NLRP8: variants seen among roughly 807,000 people sequenced by gnomAD.
The protein encoded by NLRP8 is NACHT, LRR and PYD domains-containing protein 8.
A neutral mutation model predicts 88.7 loss-of-function variants in NLRP8; 86 were observed. That is an observed-to-expected ratio of 0.97 (90% CI 0.81 to 1.16). NLRP8 has a LOEUF of 1.16. Ranked by LOEUF, NLRP8 falls within the 50% of genes most tolerant of loss-of-function variation. The pLI, the probability that NLRP8 is intolerant of heterozygous loss-of-function variation, is 0.00. For missense variants in NLRP8, 1,342 were observed against 1,286.5 expected (o/e 1.04, Z -0.66); for synonymous variants, 504 against 494.6 (o/e 1.02, Z -0.25).
intron 6 of NLRP8, among the ~76,000 whole-genome samples, chr19:55,971,446 A>G (rs1980070170): frequency 6.6e-6 from 1 of 151,696 alleles, no homozygotes; most frequent in Non-Finnish European, 1.5e-5. Context: ...TCTCAAAAAA[A>G]AAAAAAAAAA....
chr19:55,974,780 G>A (rs1229558134), intron 7 of NLRP8, among the ~76,000 whole-genome samples: 1 of 151,522 alleles, frequency 6.6e-6, no homozygotes, highest in Non-Finnish European at 1.5e-5. Flanking sequence ...GTTTTACTGG[G>A]GCTCGTGGCA....
chr19:55,958,594 G>T (rs575732123), intron 3 of NLRP8, among the ~76,000 whole-genome samples: 1 of 152,314 alleles, frequency 6.6e-6, no homozygotes, highest in Non-Finnish European at 1.5e-5. Flanking sequence ...TAACCACACT[G>T]CCGCGGCAGG....
At chr19:55,958,528 G>A (rs1252568948) in intron 3 of NLRP8, among the ~76,000 whole-genome samples, 1 of 152,144 alleles carries the variant, frequency 6.6e-6, no homozygotes, top group Non-Finnish European at 1.5e-5. Context: ...GCTTGTTTAG[G>A]TAAATACAGT....
At chr19:55,984,780 T>G (rs1439974455) in intron 9 of NLRP8, among the ~76,000 whole-genome samples, 1 of 150,588 alleles carries the variant, frequency 6.6e-6, no homozygotes, top group Non-Finnish European at 1.5e-5. Flanking sequence ...GAGGCTGCAG[T>G]AAGCCGTGCT....
At chr19:55,982,187 C>T (rs1205311693) in intron 9 of NLRP8, among the ~76,000 whole-genome samples, 1 of 152,160 alleles carries the variant, frequency 6.6e-6, no homozygotes, top group Non-Finnish European at 1.5e-5. Context: ...CAAGTGTGAG[C>T]CACTATGCCC....
At chr19:55,948,340 ACC>A in intron 1 of NLRP8, 71 bp downstream of exon 1, 1 of 1,477,680 alleles carries the variant, frequency 6.8e-7, no homozygotes, top group Non-Finnish European at 9.2e-7. Context: ...TCTAGTCACC[ACC>A]CCTATCACTT....
At chr19:55,980,564 C>A (rs1980529109) in intron 9 of NLRP8, among the ~76,000 whole-genome samples, 1 of 152,116 alleles carries the variant, frequency 6.6e-6, no homozygotes, top group African/African-American at 2.4e-5. Flanking sequence ...TGCTTCCAGG[C>A]TCACTTGTGT....
intron 1 of NLRP8, among the ~76,000 whole-genome samples, chr19:55,950,538 T>A (rs956303065): frequency 2.0e-5 from 3 of 152,038 alleles, no homozygotes; most frequent in South Asian, 2.1e-4. Flanking sequence ...AACCCCCAAA[T>A]CAATACTTAC....
chr19:55,970,763 C>T, intron 6 of NLRP8, 67 bp downstream of exon 6: 2 of 1,590,170 alleles, frequency 1.3e-6, no homozygotes, highest in South Asian at 2.3e-5. Context: ...AGATTTAGTG[C>T]TTCTGTGAGA....
chr19:55,964,089 T>A (rs963531495), intron 4 of NLRP8, among the ~76,000 whole-genome samples: 1 of 152,188 alleles, frequency 6.6e-6, no homozygotes, highest in Non-Finnish European at 1.5e-5. Context: ...GTTTTTAAGA[T>A]CCAAAAACCC....
At chr19:55,973,387 T>C (rs1300201087) in intron 6 of NLRP8, among the ~76,000 whole-genome samples, 4 of 152,212 alleles carry the variant, frequency 2.6e-5, no homozygotes, top group African/African-American at 9.7e-5. Context: ...CTCTGTGGGC[T>C]GTCTGTTAAC....
intron 9 of NLRP8, among the ~76,000 whole-genome samples, chr19:55,984,392 C>T (rs1438477769): frequency 6.6e-6 from 1 of 152,100 alleles, no homozygotes; most frequent in Non-Finnish European, 1.5e-5. Flanking sequence ...CAGTGGCTCA[C>T]GCCTGTAATC....
chr19:55,988,266 G>C lies in NLRP8; in HGVS notation c.*353G>C, dbSNP rs1404489132. 1 of 166,908 alleles carries C rather than the reference G, an allele frequency of 6.0e-6. No homozygotes were observed. Among genetic ancestry groups the C allele is most frequent in the Non-Finnish European group, 1.3e-5 (1 of 77,704 alleles). 10.3% of individuals were successfully genotyped at this position (166,908 alleles called of 1,614,324 possible). ...TACAAAAAATTAGGCGTGGTGGTGG[G>C]CTCCTGTAATCCCAGCTGCTCGGGA... On this transcript the variant is annotated 3_prime_UTR_variant, in exon 10 of 10. Transcript: ENST00000291971.
chr19:55,983,796 A>G (rs1043478115), intron 9 of NLRP8, among the ~76,000 whole-genome samples: 6 of 141,284 alleles, frequency 4.2e-5, no homozygotes, highest in Admixed American at 1.5e-4. Flanking sequence ...TTTCAGATTC[A>G]GGAAGACCAA....
rs752497339 is a variant in NLRP8, at chr19:55,966,377, T to C, written c.2378T>C (p.Leu793Pro). The C allele has an allele frequency of 5.6e-6, 9 of 1,613,330 alleles. No individual in the cohort carries two copies. Among genetic ancestry groups the C allele is most frequent in the Admixed American group, 1.7e-5 (1 of 59,966 alleles). ...TCCCCCCGGTGCCGTCTGCAGTGTC[T>C]CAGGTGAGATTTGAGAGGGGGGTTA... Residue 793 changes from leucine to proline, a missense_variant, in exon 5 of 10, where the codon CTC becomes CCC. Coordinates refer to ENST00000291971, the MANE Select transcript of NLRP8 (RefSeq NM_176811.2).
intron 1 of NLRP8, among the ~76,000 whole-genome samples, chr19:55,951,436 C>T (rs137889838): frequency 1.6e-3 from 247 of 152,220 alleles, no homozygotes; most frequent in African/African-American, 5.5e-3. Flanking sequence ...ATTTTATAGA[C>T]GAGAACTACC....
At chr19:55,986,473 TACACAC>T (rs896816246) in intron 9 of NLRP8, among the ~76,000 whole-genome samples, 6 of 72,490 alleles carry the variant, frequency 8.3e-5, no homozygotes, top group Admixed American at 6.9e-4. Context: ...CTCTCTCACA[TACACAC>T]ACACACACAC....
At chr19:55,962,265 G>C in intron 4 of NLRP8, 28 bp downstream of exon 4, 3 of 1,598,146 alleles carry the variant, frequency 1.9e-6, no homozygotes, top group Non-Finnish European at 2.6e-6. Context: ...CCCACTGGAA[G>C]GAACTTTATG....
At chr19:55,986,509 CT>C (rs1568472095) in intron 9 of NLRP8, among the ~76,000 whole-genome samples, 27 of 145,624 alleles carry the variant, frequency 1.9e-4, no homozygotes, top group African/African-American at 7.3e-4. Flanking sequence ...CACACACACA[CT>C]AATTGCTTCA....
Sources: allele counts gnomAD v4.1 joint callset (sites outside exome capture counted in the v4.1 genomes callset), GRCh38; gene constraint gnomAD v4.1.1; transcripts MANE v1.5; gene names NCBI Gene and HGNC (gene_info 2026-07-23, HGNC 2026-07-21).